KCNK13: variants seen among roughly 807,000 people sequenced by gnomAD.
KCNK13 encodes the protein potassium channel subfamily K member 13.
Under a neutral mutation model 23.4 loss-of-function variants are expected in KCNK13, and 12 were observed. That is an observed-to-expected ratio of 0.51 (90% CI 0.33 to 0.83). The LOEUF (loss-of-function observed/expected upper bound fraction) is 0.83. KCNK13 is among the 40% of genes least tolerant of loss of function. The pLI is 0.02. For missense variants in KCNK13, 463 were observed against 556.3 expected, an observed-to-expected ratio of 0.83 and a Z score of 1.69; for synonymous variants, 231 against 229.5, an observed-to-expected ratio of 1.01 and a Z score of -0.06.
At chr14:90,075,818 A>G (rs1009842099) in intron 1 of KCNK13, among the ~76,000 whole-genome samples, 2 of 152,038 alleles carry the variant, frequency 1.3e-5, no homozygotes, top group African/African-American at 4.8e-5. Flanking sequence ...CTTTCTCTCT[A>G]GTTTCATTCT....
intron 1 of KCNK13, among the ~76,000 whole-genome samples, chr14:90,091,675 G>A (rs915179671): frequency 2.0e-5 from 3 of 151,840 alleles, no homozygotes; most frequent in Admixed American, 6.6e-5. Flanking sequence ...GATGCATGAA[G>A]GGTAAAAGAC....
At chr14:90,096,239 G>A (rs1199115960) in intron 1 of KCNK13, among the ~76,000 whole-genome samples, 2 of 152,130 alleles carry the variant, frequency 1.3e-5, no homozygotes, top group Admixed American at 6.6e-5. Flanking sequence ...CCTCCCTGGA[G>A]GTTGCGGTGT....
Position 90,062,341 on chromosome 14 carries a change from G to T in KCNK13, c.136G>T (p.Glu46Ter), listed in dbSNP as rs780689211. 6.4e-7 allele frequency: 1 copy of T among 1,555,696 alleles called. No homozygotes were observed. The highest frequency in any genetic ancestry group is 1.2e-5 in the South Asian group (1 of 84,632). The change falls in exon 1 of 2, where the codon GAG becomes TAG. Residue 46 changes from glutamate (E) to a stop codon, truncating the protein, a stop_gained. Transcript: ENST00000282146. LOFTEE classifies it high-confidence loss of function. This position sits in a 1 kb window ranked among gnomAD's most constrained non-coding sequence, Gnocchi z 4.5. ...CTTCTCCGCGCTGGAGCTGGCGCAC[G>T]AGCGCCAGGCCAAGCAGCGCTGGGA... ...AVFSALELAH[E>*]RQAKQRWEER...
At chr14:90,112,107 A>T (rs2140413003) in intron 1 of KCNK13, among the ~76,000 whole-genome samples, 1 of 152,192 alleles carries the variant, frequency 6.6e-6, no homozygotes, top group South Asian at 2.1e-4. Context: ...CTTTGCCTGG[A>T]ATTCAGCCAA....
chr14:90,184,950 G>T lies in KCNK13; in HGVS notation c.1174G>T (p.Gly392Ter). 6.2e-7 allele frequency: 1 copy of T among 1,611,364 alleles called. No homozygotes were observed. The highest frequency in any genetic ancestry group is 8.5e-7 in the Non-Finnish European group (1 of 1,178,544). The stretch of plus-strand genomic sequence containing the variant: ...GGACAATGAATTCTCAGGGGGGGTG[G>T]GAGCCTTTGCAATCATGAACAACAG... ...ARDNEFSGGV[G>*]AFAIMNNRLA... Residue 392 changes from glycine (G) to a stop codon, truncating the protein, a stop_gained, in exon 2 of 2, where the codon GGA becomes TGA. Transcript: ENST00000282146. LOFTEE classifies it high-confidence loss of function. The surrounding 1 kb of genome is among the most constrained non-coding windows in gnomAD (Gnocchi z 5.6).
intron 1 of KCNK13, among the ~76,000 whole-genome samples, chr14:90,105,885 C>G (rs1304531035): frequency 6.6e-6 from 1 of 152,040 alleles, no homozygotes; most frequent in Non-Finnish European, 1.5e-5. Flanking sequence ...AATCATTGTC[C>G]AGGCCTTGGC....
chr14:90,136,875 C>T (rs1889943156), intron 1 of KCNK13, among the ~76,000 whole-genome samples: 1 of 152,130 alleles, frequency 6.6e-6, no homozygotes, highest in Non-Finnish European at 1.5e-5. Context: ...AAGGTTACCC[C>T]CACGAAGGTC....
At position 90,096,431 on chromosome 14, in the gene KCNK13, G is replaced by A. The variant is rs182523890; in HGVS notation, c.334+33892G>A. On this transcript the variant is annotated intron_variant, in intron 1 of 1. Coordinates refer to ENST00000282146, the MANE Select transcript of KCNK13 (RefSeq NM_022054.4). ...GGAACCAGGGACAAAGACCAAATAT[G>A]TATTTTACAATATCACAGGTGGTGA... Among the ~76,000 whole-genome samples, 123 of 152,352 alleles carry A rather than the reference G, an allele frequency of 8.1e-4. 3 individuals carry two copies. The highest frequency in any genetic ancestry group is 9.8e-4 in the Admixed American group (15 of 15,306).
intron 1 of KCNK13, among the ~76,000 whole-genome samples, chr14:90,089,585 A>G (rs1235513266): frequency 6.6e-6 from 1 of 152,254 alleles, no homozygotes; most frequent in African/African-American, 2.4e-5. Context: ...CTGGCTGCAG[A>G]AATTTGCATA....
At chr14:90,069,154 A>C (rs113957047) in intron 1 of KCNK13, among the ~76,000 whole-genome samples, 4,269 of 144,766 alleles carry the variant, frequency 0.029, 191 homozygotes, top group African/African-American at 0.099. Flanking sequence ...CTCTTGCCTC[A>C]GCCTCCTGAG....
intron 1 of KCNK13, among the ~76,000 whole-genome samples, chr14:90,114,440 G>A (rs373488069): frequency 2.0e-5 from 3 of 152,094 alleles, no homozygotes; most frequent in East Asian, 1.9e-4. Flanking sequence ...GCATGACCTC[G>A]GCTTTGGGAT....
At chr14:90,108,670 G>C (rs1403007010) in intron 1 of KCNK13, among the ~76,000 whole-genome samples, 1 of 152,210 alleles carries the variant, frequency 6.6e-6, no homozygotes, top group African/African-American at 2.4e-5. Context: ...TGGTCTTGCT[G>C]TCATATGGAT....
intron 1 of KCNK13, among the ~76,000 whole-genome samples, chr14:90,098,804 C>A (rs758707095): frequency 6.6e-6 from 1 of 152,078 alleles, no homozygotes; most frequent in Non-Finnish European, 1.5e-5. Context: ...CAAGGCCAGG[C>A]GCGGTGGCTC....
At chr14:90,118,335 C>A (rs1889700671) in intron 1 of KCNK13, among the ~76,000 whole-genome samples, 1 of 152,162 alleles carries the variant, frequency 6.6e-6, no homozygotes, top group African/African-American at 2.4e-5. Context: ...TTTTCTAGGG[C>A]TGAGTTTCTT....
chr14:90,092,538 G>T (rs1889360898), intron 1 of KCNK13, among the ~76,000 whole-genome samples: 1 of 152,182 alleles, frequency 6.6e-6, no homozygotes, highest in Non-Finnish European at 1.5e-5. Flanking sequence ...TTTTGGAGGA[G>T]CAGGAAAGCC....
At chr14:90,095,571 G>C (rs529940353) in intron 1 of KCNK13, among the ~76,000 whole-genome samples, 1 of 152,096 alleles carries the variant, frequency 6.6e-6, no homozygotes, top group South Asian at 2.1e-4. Flanking sequence ...TACTAAGTTA[G>C]AGCAGTTATT....
chr14:90,159,746 A>G (rs1272245056), intron 1 of KCNK13, among the ~76,000 whole-genome samples: 1 of 152,186 alleles, frequency 6.6e-6, no homozygotes, highest in Non-Finnish European at 1.5e-5. Context: ...ATCCTGTTTT[A>G]TAGATAAAGA....
Position 90,182,302 on chromosome 14 carries a change from G to T in KCNK13, c.335-1809G>T, listed in dbSNP as rs556325190. Among the ~76,000 whole-genome samples, 24 of 152,248 alleles carry T rather than the reference G, an allele frequency of 1.6e-4. No individual in the cohort carries two copies. The East Asian group carries it at 3.1e-3, about 20-fold the overall frequency. ...GATGTTTGGGAAAGGTGGCCCCTTG[G>T]CTTGACTTGAGCAGACCAGCAGGTC... On this transcript the variant is annotated intron_variant, in intron 1 of 1. Coordinates refer to ENST00000282146, the MANE Select transcript of KCNK13 (RefSeq NM_022054.4).
chr14:90,132,289 A>G (rs1889883810), intron 1 of KCNK13, among the ~76,000 whole-genome samples: 1 of 152,224 alleles, frequency 6.6e-6, no homozygotes, highest in Admixed American at 6.5e-5. Context: ...CAAGCCTGTA[A>G]TCCCAGCACT....
Sources: allele counts gnomAD v4.1 joint callset (sites outside exome capture counted in the v4.1 genomes callset), GRCh38; gene constraint gnomAD v4.1.1; non-coding constraint Gnocchi (gnomAD v3.1); transcripts MANE v1.5; gene names NCBI Gene and HGNC (gene_info 2026-07-23, HGNC 2026-07-21).